RTL4: variants seen among roughly 807,000 people sequenced by gnomAD.
RTL4 encodes the protein retrotransposon Gag-like protein 4.
Under a neutral mutation model 5.3 loss-of-function variants are expected in RTL4, and 4 were observed. That is an observed-to-expected ratio of 0.75 (90% CI 0.37 to 1.72). The LOEUF (loss-of-function observed/expected upper bound fraction) is 1.72, where lower values mean the gene tolerates loss of function less well. RTL4 is among the 40% of genes most tolerant of loss of function. RTL4 has a pLI of 0.04. For synonymous variants in RTL4, 98 were observed against 87.3 expected, an observed-to-expected ratio of 1.12 and a Z score of -0.68; for missense variants, 260 against 227.1, an observed-to-expected ratio of 1.14 and a Z score of -0.93.
chrX:112,264,074 T>C, the RTL4 span, among the ~76,000 whole-genome samples: 1 of 111,328 alleles, frequency 9.0e-6, no homozygotes, highest in African/African-American at 3.3e-5. Flanking sequence ...TGGACAGTGA[T>C]GGAAGAGATT....
At chrX:112,167,906 G>T in the RTL4 span, among the ~76,000 whole-genome samples, 1 of 110,179 alleles carries the variant, frequency 9.1e-6, no homozygotes, top group Admixed American at 9.7e-5. Flanking sequence ...CAACATTTTA[G>T]TATGTAGCCT....
At chrX:112,123,441 G>T in the RTL4 span, among the ~76,000 whole-genome samples, 1 of 112,173 alleles carries the variant, frequency 8.9e-6, no homozygotes, top group Non-Finnish European at 1.9e-5. Flanking sequence ...AGCTTTTGTG[G>T]TTTGGGGTTT....
the RTL4 span, among the ~76,000 whole-genome samples, chrX:112,110,940 G>C: frequency 1.8e-5 from 2 of 111,910 alleles, no homozygotes; most frequent in Non-Finnish European, 3.8e-5. Flanking sequence ...TAGGAAACCT[G>C]CTGGGTTAAG....
the RTL4 span, among the ~76,000 whole-genome samples, chrX:112,257,873 G>GTGTA: frequency 1.2e-3 from 119 of 102,550 alleles, 1 homozygote; most frequent in African/African-American, 4.1e-3. Context: ...TCAAAACTGT[G>GTGTA]TATATATATA....
At chrX:112,325,372 G>C in the RTL4 span, among the ~76,000 whole-genome samples, 1 of 111,736 alleles carries the variant, frequency 8.9e-6, no homozygotes. Flanking sequence ...AACAAAGCTG[G>C]AGGCATCACA....
chrX:112,086,187 G>A, the RTL4 span, among the ~76,000 whole-genome samples: 2 of 112,052 alleles, frequency 1.8e-5, no homozygotes, highest in Non-Finnish European at 3.8e-5. Context: ...ATTGCATTTT[G>A]TTTTGCTAAT....
chrX:112,240,674 T>G, the RTL4 span, among the ~76,000 whole-genome samples: 2 of 111,299 alleles, frequency 1.8e-5, no homozygotes, highest in East Asian at 5.6e-4. Flanking sequence ...TCATTTGTAT[T>G]TATTTATTTA....
At chrX:112,219,000 C>A in the RTL4 span, among the ~76,000 whole-genome samples, 13 of 111,914 alleles carry the variant, frequency 1.2e-4, no homozygotes, top group Admixed American at 9.5e-4. Context: ...TAAGAAGTAG[C>A]CAGAATTGTT....
At chrX:112,226,498 C>T in the RTL4 span, among the ~76,000 whole-genome samples, 3 of 111,522 alleles carry the variant, frequency 2.7e-5, no homozygotes, top group African/African-American at 3.3e-5. Flanking sequence ...GATATAATGA[C>T]AAGAACAAAG....
chrX:112,233,009 T>G, the RTL4 span, among the ~76,000 whole-genome samples: 1 of 111,568 alleles, frequency 9.0e-6, no homozygotes, highest in Non-Finnish European at 1.9e-5. Context: ...AGTGACATAG[T>G]TCTCAGCTTC....
the RTL4 span, among the ~76,000 whole-genome samples, chrX:112,192,413 T>C: frequency 1.9e-4 from 21 of 111,454 alleles, no homozygotes; most frequent in East Asian, 5.4e-3. Context: ...GACATTTTGC[T>C]ATTTGTTTTC....
the RTL4 span, among the ~76,000 whole-genome samples, chrX:112,298,524 T>C: frequency 1.8e-5 from 2 of 112,292 alleles, no homozygotes; most frequent in East Asian, 2.8e-4. Context: ...GGTCCTCGGG[T>C]TCTTATTCTT....
chrX:112,266,340 T>A, the RTL4 span, among the ~76,000 whole-genome samples: 1 of 111,303 alleles, frequency 9.0e-6, no homozygotes, highest in African/African-American at 3.3e-5. Context: ...AGCATACCAA[T>A]GACTCAGAAC....
the RTL4 span, among the ~76,000 whole-genome samples, chrX:112,188,252 A>G: frequency 9.0e-6 from 1 of 111,375 alleles, no homozygotes; most frequent in Admixed American, 9.6e-5. Context: ...CATAATCTCC[A>G]TAAAAGACCA....
At chrX:112,163,836 A>G in the RTL4 span, among the ~76,000 whole-genome samples, 34 of 111,747 alleles carry the variant, frequency 3.0e-4, no homozygotes, top group African/African-American at 1.0e-3. Context: ...GTTCCCTTGA[A>G]AACAGGAGAG....
chrX:112,150,017 G>A, the RTL4 span, among the ~76,000 whole-genome samples: 1 of 111,179 alleles, frequency 9.0e-6, no homozygotes, highest in African/African-American at 3.3e-5. Context: ...GATAGAGGGA[G>A]CAACCAATGA....
chrX:112,421,727 A>C, the RTL4 span, among the ~76,000 whole-genome samples: 2 of 112,106 alleles, frequency 1.8e-5, no homozygotes, highest in Non-Finnish European at 3.8e-5. Flanking sequence ...TGTATAGTAC[A>C]CAGAGTTGAT....
chrX:112,248,825 C>A, the RTL4 span, among the ~76,000 whole-genome samples: 2 of 111,962 alleles, frequency 1.8e-5, no homozygotes, highest in Non-Finnish European at 3.8e-5. Context: ...GGGCCTACAG[C>A]AATAAGTATC....
the RTL4 span, among the ~76,000 whole-genome samples, chrX:112,134,017 TAAAC>T: frequency 4.8e-4 from 54 of 112,417 alleles, no homozygotes; most frequent in African/African-American, 1.1e-3. Context: ...CACACTGCAA[TAAAC>T]AAATGTAGTG....
Sources: allele counts gnomAD v4.1 joint callset (sites outside exome capture counted in the v4.1 genomes callset), GRCh38; gene constraint gnomAD v4.1.1; transcripts MANE v1.5; gene names NCBI Gene and HGNC (gene_info 2026-07-23, HGNC 2026-07-21).